MTAP: variants seen among roughly 807,000 people sequenced by gnomAD.
The protein encoded by MTAP is S-methyl-5'-thioadenosine phosphorylase.
In MTAP, 33 loss-of-function variants were observed where a neutral mutation model predicts 33.6. The ratio of observed to expected loss-of-function variants is 0.98; its 90% CI spans 0.74 to 1.31. The LOEUF (loss-of-function observed/expected upper bound fraction) is 1.31. Among genes scored for constraint, MTAP ranks in the 40% most tolerant of loss-of-function variants. MTAP has a pLI of 0.00. For synonymous variants in MTAP, 148 were observed against 125.7 expected, an observed-to-expected ratio of 1.18 and a Z score of -1.19; for missense variants, 367 against 360.0, an observed-to-expected ratio of 1.02 and a Z score of -0.16.
In MTAP at chr9:21,862,271, A is replaced by C. The variant is rs3208969; in HGVS notation, c.*257A>C. 1 of 867,588 alleles carries C rather than the reference A, an allele frequency of 1.2e-6. No individual in the cohort carries two copies. The allele number at this position is 867,588 out of a possible 1,614,324, so 53.7% of individuals were successfully genotyped here. A position where few individuals can be genotyped will look rare whatever the true frequency, so the allele number is the denominator to read the frequency against. On this transcript the variant is annotated 3_prime_UTR_variant, in exon 8 of 8. Transcript: ENST00000644715. ...TATTACATTTTAAGGGGGAAAAAAAAACCCACCATTCTCTTCTCCCCCTAT... is the reference window on the plus strand; with the variant it reads ...TATTACATTTTAAGGGGGAAAAAAACACCCACCATTCTCTTCTCCCCCTAT...
chr9:21,913,576 T>C (rs1481949679), intron 1 of MTAP, among the ~76,000 whole-genome samples: 1 of 152,250 alleles, frequency 6.6e-6, no homozygotes, highest in East Asian at 1.9e-4. Flanking sequence ...GCTAGCCATA[T>C]GCAGAAAGCT....
chr9:21,895,325 C>T (rs1818272664), intron 1 of MTAP, among the ~76,000 whole-genome samples: 1 of 152,144 alleles, frequency 6.6e-6, no homozygotes, highest in African/African-American at 2.4e-5. Flanking sequence ...TGTATTAGTC[C>T]ATTTTCATAC....
intron 1 of MTAP, among the ~76,000 whole-genome samples, chr9:21,888,084 A>G (rs1320689683): frequency 6.6e-6 from 1 of 152,144 alleles, no homozygotes; most frequent in Non-Finnish European, 1.5e-5. Context: ...AAAAGCAACA[A>G]TCATTTAGGA....
chr9:21,823,485 T>G (rs963566424), intron 4 of MTAP, among the ~76,000 whole-genome samples: 1 of 152,200 alleles, frequency 6.6e-6, no homozygotes, highest in African/African-American at 2.4e-5. Flanking sequence ...GAGATCTGCT[T>G]TTAGTCTGAT....
At chr9:21,844,644 A>G (rs4977567) in intron 5 of MTAP, among the ~76,000 whole-genome samples, 57,509 of 152,086 alleles carry the variant, frequency 0.38, 11,886 homozygotes, top group Admixed American at 0.48. Flanking sequence ...GGTCATCTCA[A>G]TAGATGCAGA....
At chr9:21,870,779 CT>C (rs777664959), downstream of MTAP, among the ~76,000 whole-genome samples, 2,934 of 130,962 alleles carry the variant, frequency 0.022, 46 homozygotes, top group African/African-American at 0.059. Context: ...ATTTTTTTTT[CT>C]TTTTTTTTTT....
Position 21,864,035 on chromosome 9 carries a change from G to C in MTAP, c.*2021G>C, listed in dbSNP as rs921088727. 1.3e-5 allele frequency: 13 copies of C among 985,406 alleles called. No homozygotes were observed. Among genetic ancestry groups the C allele is most frequent in the African/African-American group, 5.2e-5 (3 of 57,218 alleles). 61.0% of individuals were successfully genotyped at this position (985,406 alleles called of 1,614,324 possible). A position where few individuals can be genotyped will look rare whatever the true frequency, so the allele number is the denominator to read the frequency against. On this transcript the variant is annotated 3_prime_UTR_variant, in exon 8 of 8. Coordinates refer to ENST00000644715, the MANE Select transcript of MTAP (RefSeq NM_002451.4). ...CGTGTGATTGTTTTCACTACAATATGATACATAGATGGTACCTTACTTTTC... is the reference window on the plus strand; with the variant it reads ...CGTGTGATTGTTTTCACTACAATATCATACATAGATGGTACCTTACTTTTC...
chr9:21,870,095 C>A (rs150259172), downstream of MTAP, among the ~76,000 whole-genome samples: 2,411 of 152,278 alleles, frequency 0.016, 29 homozygotes, highest in Non-Finnish European at 0.023. Context: ...CAGATAACCA[C>A]CTGGCCTCAC....
intron 4 of MTAP, among the ~76,000 whole-genome samples, chr9:21,823,964 A>G (rs1370326784): frequency 2.0e-5 from 3 of 152,186 alleles, no homozygotes; most frequent in Non-Finnish European, 2.9e-5. Flanking sequence ...CCATCAGGTC[A>G]TTTAAGGACT....
At chr9:21,829,924 T>A (rs555555734) in intron 4 of MTAP, among the ~76,000 whole-genome samples, 3 of 152,206 alleles carry the variant, frequency 2.0e-5, no homozygotes, top group East Asian at 3.9e-4. Context: ...TATCTGAAAA[T>A]CTTTTTTTTT....
intron 5 of MTAP, among the ~76,000 whole-genome samples, chr9:21,840,022 C>G (rs865844519): frequency 6.6e-6 from 1 of 152,078 alleles, no homozygotes; most frequent in South Asian, 2.1e-4. Flanking sequence ...GTCAGGAGAT[C>G]AAGAACATTC....
intron 5 of MTAP, among the ~76,000 whole-genome samples, chr9:21,838,215 T>G (rs1825157628): frequency 6.6e-6 from 1 of 152,210 alleles, no homozygotes; most frequent in South Asian, 2.1e-4. Flanking sequence ...GCTGAACCAC[T>G]CAAAGTTGCA....
chr9:21,817,883 G>GT (rs2118055056), intron 3 of MTAP, 152 bp from the exon 4 acceptor site: 2 of 664,446 alleles, frequency 3.0e-6, no homozygotes, highest in South Asian at 5.0e-5. Flanking sequence ...CTAAATTTTA[G>GT]TTTTAGTTGC....
rs1825809340 is a variant in MTAP, at chr9:21,864,115, T to C, written c.*2101T>C. 5 of 985,460 alleles carry C rather than the reference T, an allele frequency of 5.1e-6. No individual in the cohort carries two copies. The highest frequency in any genetic ancestry group is 6.0e-6 in the Non-Finnish European group (5 of 829,938). The allele number at this position is 985,460 out of a possible 1,614,324, so 61.0% of individuals were successfully genotyped here. A position where few individuals can be genotyped will look rare whatever the true frequency, so the allele number is the denominator to read the frequency against. On this transcript the variant is annotated 3_prime_UTR_variant, in exon 8 of 8. Transcript: ENST00000644715. ...AGGGCAAAAGTATGGGCATTTTTCT[T>C]GCTATGTTCAGAAAGTACAGTTCTC...
Position 21,864,714 on chromosome 9 carries a change from C to A in MTAP, c.*2700C>A. Reference sequence around the variant, plus strand: ...GGAAGGAAACTCTGGTACGGTGGCACCCTCAGGAGTGGAGGACAGTGAACT... The same window carrying A: ...GGAAGGAAACTCTGGTACGGTGGCAACCTCAGGAGTGGAGGACAGTGAACT... On this transcript the variant is annotated 3_prime_UTR_variant, in exon 8 of 8. Coordinates refer to ENST00000644715, the MANE Select transcript of MTAP (RefSeq NM_002451.4). 1 of 985,336 alleles carries A rather than the reference C, an allele frequency of 1.0e-6. No homozygotes were observed. The highest frequency in any genetic ancestry group is 1.2e-6 in the Non-Finnish European group (1 of 829,970). 61.0% of individuals were successfully genotyped at this position (985,336 alleles called of 1,614,324 possible).
At chr9:21,899,730 G>A (rs1265673481) in intron 1 of MTAP, among the ~76,000 whole-genome samples, 1 of 152,098 alleles carries the variant, frequency 6.6e-6, no homozygotes, top group African/African-American at 2.4e-5. Flanking sequence ...TCTCCACCTG[G>A]TCCCGCCCTT....
chr9:21,881,044 C>A (rs1818003438), intron 1 of MTAP, among the ~76,000 whole-genome samples: 1 of 152,054 alleles, frequency 6.6e-6, no homozygotes, highest in African/African-American at 2.4e-5. Context: ...CAGTGTGGTA[C>A]TGGCATAAAG....
At chr9:21,912,723 A>G (rs1479110152) in intron 1 of MTAP, among the ~76,000 whole-genome samples, 1 of 152,192 alleles carries the variant, frequency 6.6e-6, no homozygotes, top group Non-Finnish European at 1.5e-5. Flanking sequence ...AAACTGGCAC[A>G]AGACAGGGGT....
At chr9:21,885,482 G>T (rs1818093748) in intron 1 of MTAP, among the ~76,000 whole-genome samples, 1 of 151,856 alleles carries the variant, frequency 6.6e-6, no homozygotes, top group Non-Finnish European at 1.5e-5. Flanking sequence ...ACCTGAGGAT[G>T]GTCTTTAGTG....
Sources: gnomAD v4.1 joint callset for allele counts (sites outside exome capture counted in the v4.1 genomes callset) on GRCh38, gnomAD v4.1.1 for gene constraint, MANE v1.5 for transcripts, NCBI Gene and HGNC (gene_info 2026-07-23, HGNC 2026-07-21) for gene names.